TRHDE: variants seen among roughly 807,000 people sequenced by gnomAD.
TRHDE encodes the protein thyrotropin-releasing hormone-degrading ectoenzyme.
A neutral mutation model predicts 125.7 loss-of-function variants in TRHDE; 72 were observed. The observed-to-expected ratio is 0.57, with a 90% CI of 0.47 to 0.70. The LOEUF (loss-of-function observed/expected upper bound fraction) is 0.70. Ranked by LOEUF, TRHDE falls within the 30% of genes least tolerant of loss-of-function variation. The pLI is 0.00. For synonymous variants in TRHDE, 509 were observed against 509.1 expected (o/e 1.00, Z 0.00); for missense variants, 1,110 against 1,327.1 (o/e 0.84, Z 2.54).
In TRHDE at chr12:72,465,209, CT is replaced by C. The variant is rs541399329; in HGVS notation, c.1316-4539del. Among the ~76,000 whole-genome samples the C allele has an allele frequency of 9.8e-3, 1,454 of 147,684 alleles. 13 individuals carry two copies. The highest frequency in any genetic ancestry group is 0.018 in the Admixed American group (262 of 14,750). On this transcript the variant is annotated intron_variant, in intron 3 of 18. Coordinates refer to ENST00000261180, the MANE Select transcript of TRHDE (RefSeq NM_013381.3). ...AAGAATATTTTTGTTACTGAGCTTC[CT>C]TTTTTTTTTATTAGCTTCATTCAGG...
At chr12:72,121,878 A>C (rs920043681) in intron 2 of TRHDE, among the ~76,000 whole-genome samples, 6 of 152,062 alleles carry the variant, frequency 3.9e-5, no homozygotes, top group African/African-American at 1.4e-4. Flanking sequence ...AGCAGTAGCC[A>C]GATGCCTGTA....
At chr12:72,359,215 C>A (rs1457128770) in intron 2 of TRHDE, among the ~76,000 whole-genome samples, 1 of 148,664 alleles carries the variant, frequency 6.7e-6, no homozygotes, top group Non-Finnish European at 1.5e-5. Context: ...GTGAAGAAAG[C>A]CTTCGAAAAA....
chr12:72,196,020 G>C (rs1369894263), intron 2 of TRHDE, among the ~76,000 whole-genome samples: 1 of 152,086 alleles, frequency 6.6e-6, no homozygotes, highest in Non-Finnish European at 1.5e-5. Context: ...ACTTTGTCAA[G>C]GATCAGATGG....
intron 3 of TRHDE, among the ~76,000 whole-genome samples, chr12:72,393,855 C>G (rs1243193004): frequency 6.6e-6 from 1 of 152,090 alleles, no homozygotes; most frequent in Non-Finnish European, 1.5e-5. Context: ...AATATTAAAT[C>G]TTGCTATTAA....
intron 2 of TRHDE, among the ~76,000 whole-genome samples, chr12:72,375,089 T>C (rs552247376): frequency 1.2e-4 from 18 of 152,276 alleles, no homozygotes; most frequent in Admixed American, 2.0e-4. Flanking sequence ...GGAGGTTAAA[T>C]GTGAAGAGCT....
At chr12:72,170,203 A>C (rs374210472) in intron 2 of TRHDE, among the ~76,000 whole-genome samples, 1 of 152,192 alleles carries the variant, frequency 6.6e-6, no homozygotes, top group African/African-American at 2.4e-5. Context: ...TGGATTTCTT[A>C]AAGTGATGAC....
In TRHDE at chr12:72,359,876, G is replaced by C. The variant is rs1319841666; in HGVS notation, c.1189-18119G>C. On this transcript the variant is annotated intron_variant, in intron 2 of 18. Coordinates refer to ENST00000261180, the MANE Select transcript of TRHDE (RefSeq NM_013381.3). ...ACAAGGCTTCAGGATTTATTGCTTA[G>C]TTTTATTGATTACAGAATGTGGTAT... Among the ~76,000 whole-genome samples, 3 of 151,712 alleles carry C rather than the reference G, an allele frequency of 2.0e-5. No homozygotes were observed. The East Asian group carries it at 5.8e-4, about 29-fold the overall frequency.
intron 2 of TRHDE, among the ~76,000 whole-genome samples, chr12:72,193,569 A>T (rs193234932): frequency 6.6e-6 from 1 of 152,116 alleles, no homozygotes; most frequent in African/African-American, 2.4e-5. Context: ...GGAATTACCT[A>T]TTTTCTACCA....
At chr12:72,457,830 T>C (rs1364291871) in intron 3 of TRHDE, among the ~76,000 whole-genome samples, 1 of 152,192 alleles carries the variant, frequency 6.6e-6, no homozygotes, top group African/African-American at 2.4e-5. Context: ...ACATAAGAAT[T>C]TGGAAATATG....
rs141562640 is a variant in TRHDE, at chr12:72,183,417, A to G, written n.279+77665A>G. Reference sequence around the variant, plus strand: ...CTCGAACACTAGTTCATGTGTGGAGAATTATTAAACGCTTTCTTTAGATAA... The same window carrying G: ...CTCGAACACTAGTTCATGTGTGGAGGATTATTAAACGCTTTCTTTAGATAA... On this transcript the variant is annotated intron_variant and non_coding_transcript_variant, in intron 2 of 4. Coordinates refer to the TRHDE transcript ENST00000548156. Among the ~76,000 whole-genome samples the G allele has an allele frequency of 6.8e-4, 104 of 152,300 alleles. 1 individual carries two copies. The East Asian group carries it at 0.016, about 24-fold the overall frequency.
intron 15 of TRHDE, among the ~76,000 whole-genome samples, chr12:72,641,030 C>CT (rs148710453): frequency 0.016 from 2,468 of 152,250 alleles, 64 homozygotes; most frequent in African/African-American, 0.056. Context: ...CAAGAAGGGA[C>CT]TTTAGGACTC....
chr12:72,098,379 T>A (rs1874986641), intron 1 of TRHDE, among the ~76,000 whole-genome samples: 1 of 152,202 alleles, frequency 6.6e-6, no homozygotes, highest in African/African-American at 2.4e-5. Flanking sequence ...CTTGAAATGC[T>A]GACATTGATG....
At chr12:72,459,623 A>AT (rs1047139882) in intron 3 of TRHDE, among the ~76,000 whole-genome samples, 25 of 151,862 alleles carry the variant, frequency 1.6e-4, no homozygotes, top group East Asian at 3.9e-4. Context: ...GAGTATAAGC[A>AT]TTTTTTTTAT....
rs1270939270 is a variant in TRHDE, at chr12:72,668,635, A to G, written c.*5440A>G. On this transcript the variant is annotated 3_prime_UTR_variant, in exon 19 of 19. Coordinates refer to ENST00000261180, the MANE Select transcript of TRHDE (RefSeq NM_013381.3). ...GATAAAGGGAAGCTACAAAAATTTGAATGCCTACTAAATGCTAGGCACTTT... is the reference window on the plus strand; with the variant it reads ...GATAAAGGGAAGCTACAAAAATTTGGATGCCTACTAAATGCTAGGCACTTT... 1 of 151,872 alleles carries G rather than the reference A, an allele frequency of 6.6e-6. No homozygotes were observed. Among genetic ancestry groups the G allele is most frequent in the East Asian group, 1.9e-4 (1 of 5,160 alleles). 9.4% of individuals were successfully genotyped at this position (151,872 alleles called of 1,614,324 possible).
At chr12:72,245,371 C>T (rs1878557175) in intron 2 of TRHDE, among the ~76,000 whole-genome samples, 1 of 151,738 alleles carries the variant, frequency 6.6e-6, no homozygotes, top group Admixed American at 6.6e-5. Flanking sequence ...AGGCTCTCTA[C>T]CTACCCATCT....
intron 12 of TRHDE, among the ~76,000 whole-genome samples, chr12:72,585,273 C>T (rs1871391928): frequency 6.6e-6 from 1 of 152,132 alleles, no homozygotes; most frequent in African/African-American, 2.4e-5. Flanking sequence ...ATTTTAAACA[C>T]TAATCTAAGT....
At chr12:72,658,917 T>G (rs1874809406) in intron 18 of TRHDE, among the ~76,000 whole-genome samples, 2 of 152,124 alleles carry the variant, frequency 1.3e-5, no homozygotes, top group Non-Finnish European at 2.9e-5. Context: ...AGGAACATTA[T>G]TGTCAGATGG....
intron 12 of TRHDE, chr12:72,611,349 A>T (rs1433287150): frequency 6.5e-6 from 1 of 153,336 alleles, no homozygotes; most frequent in African/African-American, 2.4e-5. Context: ...GGAACAAGCA[A>T]ATCTCCTTCA....
intron 2 of TRHDE, among the ~76,000 whole-genome samples, chr12:72,234,255 G>A (rs968296985): frequency 3.3e-5 from 5 of 152,186 alleles, no homozygotes; most frequent in Non-Finnish European, 7.4e-5. Flanking sequence ...TCAAAAAGAT[G>A]TTATCTTCCC....
Sources: gnomAD v4.1 joint callset for allele counts (sites outside exome capture counted in the v4.1 genomes callset) on GRCh38, gnomAD v4.1.1 for gene constraint, MANE v1.5 for transcripts, NCBI Gene and HGNC (gene_info 2026-07-23, HGNC 2026-07-21) for gene names.